The following SGCD variants were observed in gnomAD, a reference collection of about 807,000 sequenced individuals.
SGCD encodes delta-sarcoglycan.
A neutral mutation model predicts 36.6 loss-of-function variants in SGCD; 18 were observed. That is an observed-to-expected ratio of 0.49 (90% CI 0.34 to 0.73). SGCD has a LOEUF of 0.73. Among genes scored for constraint, SGCD ranks in the 30% least tolerant of loss-of-function variants. The probability of loss-of-function intolerance (pLI) is 0.01; values close to 1 mark genes in which losing one functional copy is unlikely to be tolerated. For synonymous variants in SGCD, 133 were observed against 130.6 expected, an observed-to-expected ratio of 1.02 and a Z score of -0.12; for missense variants, 387 against 346.7, an observed-to-expected ratio of 1.12 and a Z score of -0.92.
intron 1 of SGCD, among the ~76,000 whole-genome samples, chr5:156,117,471 C>T (rs1052367696): frequency 6.6e-6 from 1 of 151,998 alleles, no homozygotes; most frequent in Admixed American, 6.6e-5. Flanking sequence ...TCCTGTTTTC[C>T]TCCTTTCTGT....
intron 7 of SGCD, among the ~76,000 whole-genome samples, chr5:156,751,848 A>C (rs981004754): frequency 1.3e-5 from 2 of 152,214 alleles, no homozygotes; most frequent in Non-Finnish European, 2.9e-5. Context: ...TGGAGCAATC[A>C]CTTTGGAAAG....
chr5:156,618,430 A>C lies in SGCD; in HGVS notation c.502+23379A>C, dbSNP rs181559084. Among the ~76,000 whole-genome samples, 67 of 152,316 alleles carry C rather than the reference A, an allele frequency of 4.4e-4. No homozygotes were observed. In the East Asian group the frequency reaches 7.3e-3, roughly 17 times the overall value. ...CATAAACATACAGTTCCCATAAATA[A>C]TGCAGCAAGAAAGCCAAATATAAAA... On this transcript the variant is annotated intron_variant, in intron 6 of 8. Transcript: ENST00000337851.
At chr5:155,780,298 A>G in the SGCD span, among the ~76,000 whole-genome samples, 10 of 152,292 alleles carry the variant, frequency 6.6e-5, no homozygotes, top group Non-Finnish European at 8.8e-5. Flanking sequence ...TGTTGTCTAC[A>G]TATCTGAGTA....
At chr5:156,404,421 A>G (rs1447761726) in intron 3 of SGCD, among the ~76,000 whole-genome samples, 1 of 152,174 alleles carries the variant, frequency 6.6e-6, no homozygotes, top group African/African-American at 2.4e-5. Flanking sequence ...CCTGCTGCAA[A>G]TGTCTTGATT....
intron 3 of SGCD, among the ~76,000 whole-genome samples, chr5:156,504,923 A>G (rs1414859365): frequency 1.3e-5 from 2 of 152,230 alleles, no homozygotes; most frequent in Non-Finnish European, 2.9e-5. Flanking sequence ...TAGTAATCGT[A>G]TCATGCATGT....
intron 4 of SGCD, among the ~76,000 whole-genome samples, chr5:156,532,980 C>G (rs776276564): frequency 6.6e-6 from 1 of 152,184 alleles, no homozygotes; most frequent in Non-Finnish European, 1.5e-5. Flanking sequence ...ATCTAATACT[C>G]CAACCCAGGT....
At chr5:156,625,541 C>T (rs978793579) in intron 6 of SGCD, among the ~76,000 whole-genome samples, 1 of 152,128 alleles carries the variant, frequency 6.6e-6, no homozygotes, top group African/African-American at 2.4e-5. Context: ...TCTATATTCT[C>T]ATCAGAGGAA....
chr5:156,616,809 G>T (rs1762037164), intron 6 of SGCD, among the ~76,000 whole-genome samples: 1 of 152,110 alleles, frequency 6.6e-6, no homozygotes, highest in African/African-American at 2.4e-5. Flanking sequence ...GCCAAATCAG[G>T]CCAAAACCAC....
the SGCD span, among the ~76,000 whole-genome samples, chr5:155,825,728 GT>G: frequency 0.18 from 26,448 of 146,990 alleles, 2,852 homozygotes; most frequent in African/African-American, 0.3. Flanking sequence ...TTTATTATTT[GT>G]TTTTTTTTTT....
rs111908105 is a variant in SGCD, at chr5:156,076,111, G to A, written c.-281-41767G>A. Among the ~76,000 whole-genome samples, 918 of 151,934 alleles carry A rather than the reference G, an allele frequency of 6.0e-3. 10 individuals are homozygous for A. The highest frequency in any genetic ancestry group is 0.018 in the African/African-American group (750 of 41,436). On this transcript the variant is annotated intron_variant, in intron 1 of 9. Transcript: ENST00000517913. ...TGAGACTGCCTACTATCTCGCGGTC[G>A]CCATACTGAAATAGGGAGTGATGAA...
At chr5:155,728,433 G>T in the SGCD span, among the ~76,000 whole-genome samples, 1 of 152,206 alleles carries the variant, frequency 6.6e-6, no homozygotes, top group Non-Finnish European at 1.5e-5. Flanking sequence ...AAGCACCGGC[G>T]GGGAGGAGGA....
At chr5:156,440,491 C>G (rs1213450084) in intron 3 of SGCD, among the ~76,000 whole-genome samples, 1 of 152,102 alleles carries the variant, frequency 6.6e-6, no homozygotes, top group African/African-American at 2.4e-5. Flanking sequence ...AGTGGAATTG[C>G]TGGGTTATAT....
chr5:156,323,372 G>A (rs148847333), upstream of SGCD, among the ~76,000 whole-genome samples: 160 of 152,296 alleles, frequency 1.1e-3, no homozygotes, highest in African/African-American at 3.2e-3. Context: ...GTGACAAAGG[G>A]AATCTGAAAC....
In SGCD at chr5:156,020,304, C is replaced by T. The variant is rs114095601; in HGVS notation, c.-281-97574C>T. Among the ~76,000 whole-genome samples, 244 of 152,168 alleles carry T rather than the reference C, an allele frequency of 1.6e-3. 1 individual carries two copies. The highest frequency in any genetic ancestry group is 5.6e-3 in the African/African-American group (231 of 41,512). ...TTATTGAATAATTTAGAAGAGTAAA[C>T]AAAGAATGTCCTTCCTTCTTTCTCT... On this transcript the variant is annotated intron_variant, in intron 1 of 9. Coordinates refer to the SGCD transcript ENST00000517913.
At chr5:156,348,024 G>A (rs1441933423) in intron 3 of SGCD, among the ~76,000 whole-genome samples, 1 of 152,096 alleles carries the variant, frequency 6.6e-6, no homozygotes, top group African/African-American at 2.4e-5. Context: ...TTAGAAAATT[G>A]GTCTTGCCCT....
chr5:156,291,433 A>G (rs1296107432), intron 3 of SGCD, among the ~76,000 whole-genome samples: 3 of 152,138 alleles, frequency 2.0e-5, no homozygotes, highest in East Asian at 3.8e-4. Flanking sequence ...GAGCATAACT[A>G]TGTTCCAATA....
intron 7 of SGCD, among the ~76,000 whole-genome samples, chr5:156,713,775 A>G (rs1755103132): frequency 6.6e-6 from 1 of 152,196 alleles, no homozygotes. Flanking sequence ...AAAGGAGTTG[A>G]GATATTCTGG....
At chr5:156,042,321 C>T (rs982260820) in intron 1 of SGCD, among the ~76,000 whole-genome samples, 1 of 151,930 alleles carries the variant, frequency 6.6e-6, no homozygotes, top group African/African-American at 2.4e-5. Flanking sequence ...AGGCTAATAC[C>T]CTTGCTCCAA....
At chr5:156,441,509 C>G (rs1362959998) in intron 3 of SGCD, among the ~76,000 whole-genome samples, 1 of 152,130 alleles carries the variant, frequency 6.6e-6, no homozygotes, top group African/African-American at 2.4e-5. Flanking sequence ...CTAATCATTA[C>G]ATATGGTACA....
Sources: gnomAD v4.1 joint callset for allele counts (sites outside exome capture counted in the v4.1 genomes callset) on GRCh38, gnomAD v4.1.1 for gene constraint, MANE v1.5 for transcripts, NCBI Gene and HGNC (gene_info 2026-07-23, HGNC 2026-07-21) for gene names.